DLC1: variants seen among roughly 807,000 people sequenced by gnomAD.
The protein encoded by DLC1 is DLC1 Rho GTPase activating protein.
Under a neutral mutation model 140.3 loss-of-function variants are expected in DLC1, and 54 were observed. That is an observed-to-expected ratio of 0.38 (90% confidence interval 0.31 to 0.48). The LOEUF (loss-of-function observed/expected upper bound fraction) is 0.48, where lower values mean the gene tolerates loss of function less well. Among genes scored for constraint, DLC1 ranks in the 20% least tolerant of loss-of-function variants. DLC1 has a pLI of 0.96. For synonymous variants in DLC1, 986 were observed against 728.1 expected (o/e 1.35, Z -5.70); for missense variants, 2,536 against 1,907.0 (o/e 1.33, Z -6.14).
At chr8:13,594,328 C>G (rs888392084) in intron 1 of DLC1, among the ~76,000 whole-genome samples, 1 of 152,038 alleles carries the variant, frequency 6.6e-6, no homozygotes, top group Non-Finnish European at 1.5e-5. Flanking sequence ...TTCAATGCAG[C>G]CTACTTCGCT....
chr8:13,358,313 A>C (rs1835045060), intron 4 of DLC1, among the ~76,000 whole-genome samples: 1 of 152,210 alleles, frequency 6.6e-6, no homozygotes. Flanking sequence ...CGAAAGCACT[A>C]AATTGGATGT....
chr8:13,353,690 C>G (rs1834783767), intron 4 of DLC1, among the ~76,000 whole-genome samples: 1 of 151,976 alleles, frequency 6.6e-6, no homozygotes, highest in African/African-American at 2.4e-5. Flanking sequence ...AACCCTGTCT[C>G]TAATTAAAAT....
intron 1 of DLC1, among the ~76,000 whole-genome samples, chr8:13,587,785 C>T (rs1410171069): frequency 2.0e-5 from 3 of 151,748 alleles, no homozygotes; most frequent in Non-Finnish European, 2.9e-5. Flanking sequence ...ATGTGCTAGT[C>T]AATCTTTCAA....
chr8:13,211,099 C>T (rs374909554), intron 5 of DLC1, among the ~76,000 whole-genome samples: 13 of 152,258 alleles, frequency 8.5e-5, no homozygotes, highest in East Asian at 5.8e-4. Flanking sequence ...GGAATTATCA[C>T]GTATTTGCTT....
At position 13,217,649 on chromosome 8, in the gene DLC1, A is replaced by C. The variant is rs551370347; in HGVS notation, c.1348+87620T>G. The stretch of plus-strand genomic sequence containing the variant: ...GGAGATCGAGACCATCCTGGCTAAC[A>C]TGGTGAAACTCTGTCTCTACTAAAA... On this transcript the variant is annotated intron_variant, in intron 5 of 17. Transcript: ENST00000276297. Among the ~76,000 whole-genome samples, 3 of 152,082 alleles carry C rather than the reference A, an allele frequency of 2.0e-5. No homozygotes were observed. In the East Asian group the frequency reaches 5.8e-4, roughly 29 times the overall value.
chr8:13,534,243 C>T (rs920705031), intron 1 of DLC1, among the ~76,000 whole-genome samples: 3 of 152,148 alleles, frequency 2.0e-5, no homozygotes, highest in South Asian at 2.1e-4. Flanking sequence ...TGTACCTCCT[C>T]CCCATTTTTG....
intron 5 of DLC1, among the ~76,000 whole-genome samples, chr8:13,162,906 C>A (rs1010311403): frequency 9.2e-5 from 14 of 152,138 alleles, no homozygotes; most frequent in African/African-American, 2.7e-4. Flanking sequence ...AGTCTGAAGA[C>A]CCTGTTTCTA....
At chr8:13,305,124 A>C in intron 5 of DLC1, 145 bp downstream of exon 5, 1 of 1,344,018 alleles carries the variant, frequency 7.4e-7, no homozygotes, top group Non-Finnish European at 9.6e-7. Context: ...TGAGCAAAAC[A>C]AATTTCTTTT....
intron 5 of DLC1, among the ~76,000 whole-genome samples, chr8:13,201,269 A>T (rs1431645673): frequency 6.6e-6 from 1 of 152,186 alleles, no homozygotes; most frequent in Non-Finnish European, 1.5e-5. Flanking sequence ...AGACGAAAAA[A>T]TGAAATTGTC....
intron 1 of DLC1, among the ~76,000 whole-genome samples, chr8:13,573,030 G>T (rs1804716780): frequency 6.6e-6 from 1 of 152,102 alleles, no homozygotes; most frequent in Admixed American, 6.5e-5. Context: ...ACTTTTGATA[G>T]GGATTGCATT....
chr8:13,374,464 A>C (rs1013891301), intron 4 of DLC1, among the ~76,000 whole-genome samples: 3 of 152,062 alleles, frequency 2.0e-5, no homozygotes, highest in Non-Finnish European at 2.9e-5. Flanking sequence ...TGAGTGAGGG[A>C]AGGGGGCCAA....
chr8:13,259,174 A>G (rs922921068), intron 5 of DLC1, among the ~76,000 whole-genome samples: 3 of 151,436 alleles, frequency 2.0e-5, no homozygotes, highest in Non-Finnish European at 2.9e-5. Flanking sequence ...AAATCAAAAG[A>G]TTAAAAATTA....
At chr8:13,571,681 A>G (rs1401298451) in intron 1 of DLC1, among the ~76,000 whole-genome samples, 2 of 152,226 alleles carry the variant, frequency 1.3e-5, no homozygotes, top group East Asian at 3.9e-4. Flanking sequence ...GCATACAAGT[A>G]TCTGTTTGTG....
chr8:13,552,467 A>G (rs1803899517), intron 1 of DLC1, among the ~76,000 whole-genome samples: 1 of 150,954 alleles, frequency 6.6e-6, no homozygotes, highest in Admixed American at 6.6e-5. Flanking sequence ...TATACAATAA[A>G]AAACTAGAAA....
At chr8:13,368,751 C>A (rs934730234) in intron 4 of DLC1, among the ~76,000 whole-genome samples, 1 of 152,122 alleles carries the variant, frequency 6.6e-6, no homozygotes, top group African/African-American at 2.4e-5. Flanking sequence ...CTAGAATAAA[C>A]AAGTTTCTTC....
intron 5 of DLC1, among the ~76,000 whole-genome samples, chr8:13,125,084 C>T (rs1414052974): frequency 2.0e-5 from 3 of 152,062 alleles, no homozygotes; most frequent in African/African-American, 4.8e-5. Flanking sequence ...TCAAGCCATT[C>T]TCCTTCCTCA....
chr8:13,197,027 G>A (rs1827101607), intron 5 of DLC1, among the ~76,000 whole-genome samples: 1 of 152,188 alleles, frequency 6.6e-6, no homozygotes, highest in African/African-American at 2.4e-5. Context: ...TCCAGTAGTT[G>A]TTTTTCTGAT....
intron 7 of DLC1, among the ~76,000 whole-genome samples, chr8:13,105,554 C>T (rs1819492618): frequency 6.6e-6 from 1 of 151,664 alleles, no homozygotes. Context: ...CATGGTGGCT[C>T]TCAAACCCAG....
intron 2 of DLC1, among the ~76,000 whole-genome samples, chr8:13,461,007 A>G (rs536904350): frequency 6.6e-6 from 1 of 152,242 alleles, no homozygotes; most frequent in South Asian, 2.1e-4. Context: ...GAGCCCAGGA[A>G]TTTGAGATGA....
Sources: allele counts gnomAD v4.1 joint callset (sites outside exome capture counted in the v4.1 genomes callset), GRCh38; gene constraint gnomAD v4.1.1; transcripts MANE v1.5; gene names NCBI Gene and HGNC (gene_info 2026-07-23, HGNC 2026-07-21).